Variants in URGCP observed in about 807,000 individuals in gnomAD.
URGCP encodes the protein up-regulator of cell proliferation.
Under a neutral mutation model 24.6 loss-of-function variants are expected in URGCP, and 13 were observed. That is an observed-to-expected ratio of 0.53 (90% CI 0.34 to 0.84). URGCP has a LOEUF of 0.84. URGCP is among the 40% of genes least tolerant of loss of function. URGCP has a pLI of 0.01. For synonymous variants in URGCP, 444 were observed against 487.2 expected, an observed-to-expected ratio of 0.91 and a Z score of 1.17; for missense variants, 899 against 1,194.3, an observed-to-expected ratio of 0.75 and a Z score of 3.64.
chr7:43,906,660 G>A, upstream of URGCP: 1 of 1,082,202 alleles, frequency 9.2e-7, no homozygotes, highest in South Asian at 4.4e-5. Flanking sequence ...TGGCCCGCCG[G>A]CCGCCCGCCC....
rs530296152 is a variant in URGCP, at chr7:43,881,892, T to C, written c.163+15A>G. 3.0e-4 allele frequency: 479 copies of C among 1,613,810 alleles called. 1 individual carries two copies. The South Asian group carries it at 5.0e-3, about 17-fold the overall frequency. On this transcript the variant is annotated intron_variant, in intron 4 of 5. Transcript: ENST00000453200. ...CTCCCCAGTCCAATCTGTTGCCAAA[T>C]CCTGTAGTTTCTACCTCCATAACGG...
Position 43,898,879 on chromosome 7 carries a change from G to A in URGCP, c.14+7683C>T, listed in dbSNP as rs1300965960. ...AGGCTGGGTGTGGTGGCTCATGCCTGTAATCCCAGCTCTTGGGAGGCCAAG... is the reference window on the plus strand; with the variant it reads ...AGGCTGGGTGTGGTGGCTCATGCCTATAATCCCAGCTCTTGGGAGGCCAAG... On this transcript the variant is annotated intron_variant, in intron 1 of 5. Transcript: ENST00000453200. Among the ~76,000 whole-genome samples, 5 of 149,020 alleles carry A rather than the reference G, an allele frequency of 3.4e-5. No homozygotes were observed. The East Asian group carries it at 9.6e-4, about 29-fold the overall frequency.
intron 3 of URGCP, 79 bp downstream of exon 3, chr7:43,887,336 C>A (rs964625549): frequency 6.5e-7 from 1 of 1,549,674 alleles, no homozygotes; most frequent in East Asian, 2.3e-5. Context: ...CCAGGAGGGG[C>A]TGGAACCCAG....
chr7:43,883,362 A>ATATATTTTT (rs1554289259), intron 3 of URGCP, among the ~76,000 whole-genome samples: 5 of 88,286 alleles, frequency 5.7e-5, no homozygotes, highest in Non-Finnish European at 9.9e-5. Flanking sequence ...ATATATATAT[A>ATATATTTTT]TTTTTTTTTT....
chr7:43,925,259 T>C (rs1221074058), intron 1 of URGCP, among the ~76,000 whole-genome samples: 1 of 152,186 alleles, frequency 6.6e-6, no homozygotes, highest in African/African-American at 2.4e-5. Flanking sequence ...GAAATGTCTA[T>C]AATACATTTT....
intron 1 of URGCP, among the ~76,000 whole-genome samples, chr7:43,889,965 T>C (rs572701531): frequency 6.6e-6 from 1 of 151,644 alleles, no homozygotes; most frequent in South Asian, 2.1e-4. Context: ...AGTGCAGTGG[T>C]GTGATCTTGG....
intron 1 of URGCP, among the ~76,000 whole-genome samples, chr7:43,893,398 G>A (rs1273646303): frequency 6.6e-6 from 1 of 152,222 alleles, no homozygotes; most frequent in Non-Finnish European, 1.5e-5. Flanking sequence ...GCATGCACCT[G>A]TAGTCCCAGC....
chr7:43,884,645 A>G (rs2095859440), intron 3 of URGCP, among the ~76,000 whole-genome samples: 2 of 152,178 alleles, frequency 1.3e-5, no homozygotes, highest in Non-Finnish European at 2.9e-5. Context: ...CCTGGGCACA[A>G]TAGCAAGACC....
intron 1 of URGCP, chr7:43,919,916 G>C (rs754321121): frequency 7.6e-7 from 1 of 1,317,032 alleles, no homozygotes; most frequent in Non-Finnish European, 1.1e-6. Context: ...CCTTCCTGGA[G>C]CCGTTCCGCA....
At chr7:43,911,262 G>A (rs937971135), upstream of URGCP, among the ~76,000 whole-genome samples, 1 of 151,736 alleles carries the variant, frequency 6.6e-6, no homozygotes, top group South Asian at 2.1e-4. Flanking sequence ...TTAGCTGGGT[G>A]TGGTGGCGCA....
intron 1 of URGCP, chr7:43,919,012 G>A: frequency 8.4e-7 from 1 of 1,185,694 alleles, no homozygotes; most frequent in South Asian, 1.2e-5. Context: ...AACTGGGCCA[G>A]CAGATTCTCC....
intron 4 of URGCP, 97 bp downstream of exon 4, chr7:43,881,810 C>T: frequency 2.5e-6 from 4 of 1,605,166 alleles, no homozygotes; most frequent in Non-Finnish European, 3.4e-6. Flanking sequence ...ATGGCAACTT[C>T]TCCCAATTGT....
intron 1 of URGCP, among the ~76,000 whole-genome samples, chr7:43,914,080 A>G (rs1223260408): frequency 1.3e-5 from 2 of 152,168 alleles, no homozygotes; most frequent in African/African-American, 4.8e-5. Flanking sequence ...GCTCAAGCTG[A>G]TTTCTTGGGC....
chr7:43,920,027 G>A (rs2095920374), intron 1 of URGCP: 1 of 1,322,548 alleles, frequency 7.6e-7, no homozygotes, highest in South Asian at 1.2e-5. Context: ...CACATGGCCA[G>A]ACTACATCTC....
intron 3 of URGCP, among the ~76,000 whole-genome samples, chr7:43,883,696 A>G (rs1171243781): frequency 6.6e-6 from 1 of 152,118 alleles, no homozygotes; most frequent in East Asian, 1.9e-4. Context: ...ATGAATCAAG[A>G]TTCGGATATT....
At chr7:43,907,142 G>GT (rs77692329), upstream of URGCP, 109,051 of 151,980 alleles carry the variant, frequency 0.72, 39,429 homozygotes, top group African/African-American at 0.82. Context: ...GTGTTATTAA[G>GT]AAAAATAATG....
At chr7:43,914,240 C>T (rs372152785) in intron 1 of URGCP, among the ~76,000 whole-genome samples, 2 of 152,120 alleles carry the variant, frequency 1.3e-5, no homozygotes, top group Non-Finnish European at 2.9e-5. Context: ...GTGGCTCACA[C>T]CTGTAATCCC....
chr7:43,902,515 A>G (rs1286425183), intron 1 of URGCP, among the ~76,000 whole-genome samples: 1 of 152,206 alleles, frequency 6.6e-6, no homozygotes, highest in Non-Finnish European at 1.5e-5. Flanking sequence ...AGCGCTGAGG[A>G]GTGAGAGTTA....
rs563557959 is a variant in URGCP, at chr7:43,924,957, C to T, written c.-116+1175G>A. Among the ~76,000 whole-genome samples, 5 of 152,194 alleles carry T rather than the reference C, an allele frequency of 3.3e-5. No individual in the cohort carries two copies. In the East Asian group the frequency reaches 9.6e-4, roughly 29 times the overall value. ...TATTTTTTGTAGAGACGGGGTTTCA[C>T]CATGTTGCCCAGGATGGTCTAGAAC... On this transcript the variant is annotated intron_variant, in intron 1 of 5. Coordinates refer to the URGCP transcript ENST00000426198.
Sources: allele counts gnomAD v4.1 joint callset (sites outside exome capture counted in the v4.1 genomes callset), GRCh38; gene constraint gnomAD v4.1.1; transcripts MANE v1.5; gene names NCBI Gene and HGNC (gene_info 2026-07-23, HGNC 2026-07-21).